Variants in COQ8A observed in about 807,000 individuals in gnomAD.
The protein encoded by COQ8A is coenzyme Q8A, also known as atypical kinase COQ8A, mitochondrial.
A neutral mutation model predicts 65.0 loss-of-function variants in COQ8A; 51 were observed. That is an observed-to-expected ratio of 0.78 (90% CI 0.63 to 0.99). The LOEUF is 0.99. Among genes scored for constraint, COQ8A ranks in the 50% least tolerant of loss-of-function variants. The pLI, the probability that COQ8A is intolerant of heterozygous loss-of-function variation, is 0.00. For synonymous variants in COQ8A, 371 were observed against 353.2 expected, an observed-to-expected ratio of 1.05 and a Z score of -0.57; for missense variants, 940 against 875.0, an observed-to-expected ratio of 1.07 and a Z score of -0.94.
chr1:226,985,952 C>T (rs536166647), intron 14 of COQ8A, among the ~76,000 whole-genome samples: 3 of 152,302 alleles, frequency 2.0e-5, no homozygotes, highest in South Asian at 4.1e-4. Flanking sequence ...CGCACTGACT[C>T]GATTCCTGGC....
chr1:226,940,785 T>A (rs1656642562), intron 1 of COQ8A, among the ~76,000 whole-genome samples: 1 of 152,208 alleles, frequency 6.6e-6, no homozygotes, highest in African/African-American at 2.4e-5. Flanking sequence ...TCTAATAATG[T>A]TGTTCTTCAC....
chr1:226,985,172 C>T (rs1009740613), intron 13 of COQ8A, 82 bp from the exon 14 acceptor site: 69 of 1,433,298 alleles, frequency 4.8e-5, no homozygotes, highest in Middle Eastern at 2.2e-4. Context: ...GGGGTGGGCT[C>T]GGGTGTGGCA....
intron 10 of COQ8A, 48 bp from the exon 11 acceptor site, chr1:226,984,046 C>A: frequency 6.2e-7 from 1 of 1,605,888 alleles, no homozygotes. Context: ...GGGGGGGGGA[C>A]GGTGTGGAGG....
At chr1:226,985,918 T>C (rs1319692693) in intron 14 of COQ8A, among the ~76,000 whole-genome samples, 4 of 152,170 alleles carry the variant, frequency 2.6e-5, no homozygotes, top group African/African-American at 7.2e-5. Context: ...AGCAGCTCTC[T>C]CCCGCCTCTT....
At chr1:226,951,434 A>C (rs1215578545) in intron 1 of COQ8A, among the ~76,000 whole-genome samples, 2 of 152,188 alleles carry the variant, frequency 1.3e-5, no homozygotes, top group Non-Finnish European at 2.9e-5. Context: ...CTGTCCCTTC[A>C]TGAGCAGTAC....
rs79119308 is a variant in COQ8A at position 226,953,818 on chromosome 1, G to A, written c.-9-7559G>A. 2.3e-3 allele frequency among the ~76,000 whole-genome samples: 349 copies of A among 152,350 alleles called. 2 individuals are homozygous for A. Among genetic ancestry groups the A allele is most frequent in the African/African-American group, 8.1e-3 (338 of 41,578 alleles). ...CGAGATGTTTGAGTGATGCTCCCTG[G>A]TGTGTGATCATAAAGACTGAGGTGA... is the stretch of plus-strand genomic sequence containing the variant. On this transcript the variant is annotated intron_variant, in intron 1 of 14. Coordinates refer to ENST00000366777, the MANE Select transcript of COQ8A (RefSeq NM_020247.5).
chr1:226,958,520 G>A (rs187907551), intron 1 of COQ8A, among the ~76,000 whole-genome samples: 1 of 152,282 alleles, frequency 6.6e-6, no homozygotes, highest in Non-Finnish European at 1.5e-5. Context: ...TAGAGGTACG[G>A]GCATGCCACG....
At chr1:226,959,775 G>T (rs1270297224) in intron 1 of COQ8A, among the ~76,000 whole-genome samples, 2 of 152,232 alleles carry the variant, frequency 1.3e-5, no homozygotes, top group African/African-American at 4.8e-5. Flanking sequence ...ACTGTCTAGG[G>T]TGGGGCTTGG....
intron 4 of COQ8A, among the ~76,000 whole-genome samples, chr1:226,966,020 C>A (rs1351644137): frequency 6.6e-6 from 1 of 152,270 alleles, no homozygotes; most frequent in African/African-American, 2.4e-5. Flanking sequence ...CGCCTGGAGG[C>A]GGTGTCTGCA....
intron 14 of COQ8A, among the ~76,000 whole-genome samples, 184 bp downstream of exon 14, chr1:226,985,524 T>C (rs1251116391): frequency 6.6e-6 from 1 of 152,202 alleles, no homozygotes; most frequent in African/African-American, 2.4e-5. Flanking sequence ...CGTGAGATTT[T>C]CCGAGTGGGC....
At chr1:226,952,621 G>A (rs748573085) in intron 1 of COQ8A, among the ~76,000 whole-genome samples, 2 of 152,042 alleles carry the variant, frequency 1.3e-5, no homozygotes, top group South Asian at 4.1e-4. Context: ...TGTGTTTCCC[G>A]GGTTGGTCTT....
chr1:226,965,365 C>A lies in COQ8A; in HGVS notation c.543C>A (p.Ala181=). The A allele has an allele frequency of 6.2e-7, 1 of 1,612,478 alleles. No individual in the cohort carries two copies. The highest frequency in any genetic ancestry group is 1.7e-5 in the Admixed American group (1 of 59,898). The part of the protein sequence containing the change: ...GGLTAEDIEK[A]RQAKARPENK... ...TCACAGCCGAGGACATTGAGAAGGC[C>A]CGGCAGGCTAAGGCTCGCCCCGAGA... The change falls in exon 3 of 15, where the codon GCC becomes GCA. Residue 181 remains alanine (A), a synonymous_variant. Transcript: ENST00000366777.
chr1:226,984,907 A>C lies in COQ8A; in HGVS notation c.1538A>C (p.Glu513Ala). ...CTTTTGGATTTTGGGGCAACGCGGG[A>C]ATATGACAGATCCTTCACCGACCTC... ...VALLDFGATREYDRSFTDLYI... is the reference protein window; with the variant it reads ...VALLDFGATRAYDRSFTDLYI... Residue 513 changes from glutamate (E) to alanine (A), a missense_variant, in exon 13 of 15, where the codon GAA becomes GCA. By Grantham distance (107) the Glu-to-Ala change is moderately radical. Transcript: ENST00000366777. The C allele has an allele frequency of 6.2e-7, 1 of 1,613,964 alleles. No homozygotes were observed. Among genetic ancestry groups the C allele is most frequent in the South Asian group, 1.1e-5 (1 of 91,070 alleles).
At chr1:226,979,877 A>G (rs1168620637) in intron 5 of COQ8A, among the ~76,000 whole-genome samples, 1 of 152,122 alleles carries the variant, frequency 6.6e-6, no homozygotes, top group African/African-American at 2.4e-5. Context: ...CTGGAAGGAG[A>G]AGCCAGCCTT....
At position 226,983,602 on chromosome 1, in the gene COQ8A, C is replaced by T. The variant is rs535444320; in HGVS notation, c.1131C>T (p.Ala377=). 109 of 1,614,004 alleles carry T rather than the reference C, an allele frequency of 6.8e-5. No homozygotes were observed. In the South Asian group the frequency reaches 7.8e-4, roughly 12 times the overall value. ...ACAGTGATGTCAACAACCTCATGGC[C>T]GTGTTGAACATGAGCAACATGCTTC... The part of the protein sequence containing the change: ...SINSDVNNLM[A]VLNMSNMLPE... The change falls in exon 9 of 15, where the codon GCC becomes GCT. Residue 377 remains alanine, a synonymous_variant. Coordinates refer to ENST00000366777, the MANE Select transcript of COQ8A (RefSeq NM_020247.5).
chr1:226,980,967 C>T (rs889137651), intron 5 of COQ8A, among the ~76,000 whole-genome samples: 2 of 152,260 alleles, frequency 1.3e-5, no homozygotes, highest in East Asian at 3.8e-4. Flanking sequence ...CACCCGAGCG[C>T]TGTGCCAGGC....
At position 226,969,418 on chromosome 1, in the gene COQ8A, C is replaced by A. The variant is rs562691159; in HGVS notation, c.655+3681C>A. ...GGTTCAAGTGATTCTCCTGCCTCAG[C>A]CTCCCGAGTAGCTGAGACTACACGT... is the stretch of plus-strand genomic sequence containing the variant. On this transcript the variant is annotated intron_variant, in intron 4 of 14. Transcript: ENST00000366777. Among the ~76,000 whole-genome samples, 3 of 152,192 alleles carry A rather than the reference C, an allele frequency of 2.0e-5. No homozygotes were observed. In the East Asian group the frequency reaches 5.8e-4, roughly 29 times the overall value.
At chr1:226,960,351 G>C (rs865907146) in intron 1 of COQ8A, among the ~76,000 whole-genome samples, 13 of 13,084 alleles carry the variant, frequency 9.9e-4, no homozygotes, top group Non-Finnish European at 1.5e-3. Flanking sequence ...GGTGGTGGTG[G>C]TGGTGGTGCT....
At chr1:226,981,464 C>T (rs532046964) in intron 5 of COQ8A, among the ~76,000 whole-genome samples, 14 of 152,352 alleles carry the variant, frequency 9.2e-5, no homozygotes, top group Non-Finnish European at 2.1e-4. Context: ...TGTGGGTGGA[C>T]GGGAGAGACG....
Sources: allele counts gnomAD v4.1 joint callset (sites outside exome capture counted in the v4.1 genomes callset), GRCh38; gene constraint gnomAD v4.1.1; transcripts MANE v1.5; gene names NCBI Gene and HGNC (gene_info 2026-07-23, HGNC 2026-07-21).